Variants in VPS13D observed in about 807,000 individuals in gnomAD.
VPS13D encodes vacuolar protein sorting 13 homolog D.
Under a neutral mutation model 461.9 loss-of-function variants are expected in VPS13D, and 187 were observed. The observed-to-expected ratio is 0.40, with a 90% CI of 0.36 to 0.46. VPS13D has a LOEUF of 0.46. Among genes scored for constraint, VPS13D ranks in the 20% least tolerant of loss-of-function variants. VPS13D has a pLI of 0.60. For synonymous variants in VPS13D, 1,951 were observed against 1,986.3 expected (o/e 0.98, Z 0.47); for missense variants, 4,711 against 5,364.9 (o/e 0.88, Z 3.81).
intron 13 of VPS13D, among the ~76,000 whole-genome samples, chr1:12,263,633 T>C (rs1415063400): frequency 6.6e-6 from 1 of 152,222 alleles, no homozygotes; most frequent in Non-Finnish European, 1.5e-5. Flanking sequence ...ATCTCACAAA[T>C]ATTTTTATTT....
At chr1:12,343,270 G>A (rs1037245560) in intron 42 of VPS13D, among the ~76,000 whole-genome samples, 2 of 151,816 alleles carry the variant, frequency 1.3e-5, no homozygotes, top group South Asian at 4.2e-4. Flanking sequence ...TGCCTCCTGG[G>A]ATCAAGCAAC....
chr1:12,239,175 A>G (rs564704278), intron 2 of VPS13D, among the ~76,000 whole-genome samples: 3 of 151,636 alleles, frequency 2.0e-5, no homozygotes, highest in South Asian at 2.1e-4. Flanking sequence ...GTCTTGCTCT[A>G]TTGCCCCAGG....
chr1:12,416,649 C>T lies in VPS13D; in HGVS notation c.12166-11C>T, dbSNP rs755745274. ...CTGATTGGACTTTTCTCTTCCTGTT[C>T]CATTTGGCAGGAACTCCTCAGCCAG... is the stretch of plus-strand genomic sequence containing the variant. On this transcript the variant is annotated splice_polypyrimidine_tract_variant and intron_variant, in intron 64 of 69. Transcript: ENST00000620676. The T allele has an allele frequency of 4.3e-6, 7 of 1,610,370 alleles. No homozygotes were observed. The highest frequency in any genetic ancestry group is 1.7e-4 in the Middle Eastern group (1 of 6,034).
chr1:12,428,971 G>A (rs1249762325), intron 65 of VPS13D, among the ~76,000 whole-genome samples: 1 of 152,202 alleles, frequency 6.6e-6, no homozygotes, highest in African/African-American at 2.4e-5. Context: ...AGTGCTGTGG[G>A]GCCAGGGGTA....
At chr1:12,246,691 T>C (rs990798987) in intron 5 of VPS13D, among the ~76,000 whole-genome samples, 2 of 151,948 alleles carry the variant, frequency 1.3e-5, no homozygotes, top group African/African-American at 4.8e-5. Context: ...GAATAAAGGG[T>C]ACGTTCTTTT....
intron 32 of VPS13D, among the ~76,000 whole-genome samples, chr1:12,321,006 G>C (rs992654426): frequency 7.9e-5 from 12 of 152,144 alleles, no homozygotes; most frequent in Admixed American, 2.6e-4. Context: ...GGTGGTGGAG[G>C]GGGTGAAGAG....
chr1:12,260,642 A>T (rs1364930328), intron 10 of VPS13D, 51 bp from the exon 11 acceptor site: 3 of 1,520,946 alleles, frequency 2.0e-6, no homozygotes, highest in South Asian at 2.3e-5. Context: ...GTGTCTCTGG[A>T]TCTACAACGT....
rs1646132768 is a variant in VPS13D at position 12,507,811 on chromosome 1, C to T, written c.13035+718C>T. On this transcript the variant is annotated intron_variant, in intron 69 of 69. Transcript: ENST00000620676. This position sits in a 1 kb window ranked among gnomAD's most constrained non-coding sequence, Gnocchi z 5.3. ...TTGGCACCAGAGCTGGCTGCAGAGC[C>T]TCTTGCGGATCTGTCTCTGGCCAGT... Among the ~76,000 whole-genome samples, 1 of 152,220 alleles carries T rather than the reference C, an allele frequency of 6.6e-6. No individual in the cohort carries two copies. The highest frequency in any genetic ancestry group is 1.5e-5 in the Non-Finnish European group (1 of 68,042).
In VPS13D at chr1:12,495,577, T is replaced by C. The variant is rs1036777600; in HGVS notation, c.12663-1923T>C. 6.6e-6 allele frequency among the ~76,000 whole-genome samples: 1 copy of C among 152,184 alleles called. No homozygotes were observed. The highest frequency in any genetic ancestry group is 6.5e-5 in the Admixed American group (1 of 15,280). On this transcript the variant is annotated intron_variant, in intron 67 of 69. Transcript: ENST00000620676. This position sits in a 1 kb window ranked among gnomAD's most constrained non-coding sequence, Gnocchi z 4.0. ...ATATATTACAAATCCAGGGATCCTT[T>C]GTTAGTTATGATCGAGATGGAGAAA...
At chr1:12,364,868 C>G (rs1644009380) in intron 52 of VPS13D, among the ~76,000 whole-genome samples, 1 of 152,076 alleles carries the variant, frequency 6.6e-6, no homozygotes, top group Admixed American at 6.5e-5. Flanking sequence ...TGTAGGAATT[C>G]CTATTCTAAG....
chr1:12,510,629 G>T lies in VPS13D; in HGVS notation c.*1605G>T, dbSNP rs1322957765. On this transcript the variant is annotated 3_prime_UTR_variant, in exon 70 of 70. Coordinates refer to ENST00000620676, the MANE Select transcript of VPS13D (RefSeq NM_015378.4). ...GTAGCTACATAGTGTTCAAGGATCA[G>T]CTTTCTTGAACTCCGAGGCTTGGTT... 2 of 152,242 alleles carry T rather than the reference G, an allele frequency of 1.3e-5. No homozygotes were observed. Among genetic ancestry groups the T allele is most frequent in the Non-Finnish European group, 2.9e-5 (2 of 68,088 alleles). 9.4% of individuals were successfully genotyped at this position (152,242 alleles called of 1,614,324 possible).
At position 12,460,279 on chromosome 1, in the gene VPS13D, T is replaced by C; in HGVS notation, c.12545T>C (p.Ile4182Thr). Residue 4182 changes from isoleucine to threonine, a missense_variant, in exon 67 of 70, where the codon ATA becomes ACA. Physicochemically the swap from Ile to Thr is moderately conservative, Grantham distance 89 (BLOSUM62 -1). Around this residue, in one of 3 missense-constraint regions of VPS13D, gnomAD observed 106 missense variants for 206.2 expected, o/e 0.51. Transcript: ENST00000620676. ...VKTEGGVSGF[I>T]SGLGKGLVGT... ...ACAGAAGGGGGTGTCAGCGGTTTCA[T>C]ATCTGGCCTTGGAAAAGGGCTTGTT... is the stretch of plus-strand genomic sequence containing the variant. 1 of 1,612,268 alleles carries C rather than the reference T, an allele frequency of 6.2e-7. No individual in the cohort carries two copies. The highest frequency in any genetic ancestry group is 2.2e-5 in the East Asian group (1 of 44,696).
Position 12,260,981 on chromosome 1 carries a change from G to A in VPS13D, c.1246G>A (p.Ala416Thr), listed in dbSNP as rs752221445. 1 of 1,613,868 alleles carries A rather than the reference G, an allele frequency of 6.2e-7. No homozygotes were observed. The highest frequency in any genetic ancestry group is 1.1e-5 in the South Asian group (1 of 91,062). The change falls in exon 12 of 70, where the codon GCC becomes ACC. Residue 416 changes from alanine to threonine, a missense_variant. Ala to Thr is a moderately conservative substitution (Grantham distance 58). Coordinates refer to ENST00000620676, the MANE Select transcript of VPS13D (RefSeq NM_015378.4). ...GGAGCCTCAGTTTGATTCTCCAGGA[G>A]CCTGTCCGGGAGCCCCAGAACCCGG... is the stretch of plus-strand genomic sequence containing the variant. ...LREPQFDSPG[A>T]CPGAPEPGGG...
intron 49 of VPS13D, among the ~76,000 whole-genome samples, chr1:12,357,461 T>C (rs1255855585): frequency 1.3e-5 from 2 of 152,210 alleles, no homozygotes; most frequent in Non-Finnish European, 2.9e-5. Context: ...CACAGTGTGT[T>C]TTATCTGTGA....
chr1:12,451,551 T>G (rs1281933534), intron 65 of VPS13D, among the ~76,000 whole-genome samples: 2 of 152,224 alleles, frequency 1.3e-5, no homozygotes, highest in Non-Finnish European at 2.9e-5. Flanking sequence ...GGACTTGAGA[T>G]TGCTACAAAA....
intron 32 of VPS13D, among the ~76,000 whole-genome samples, chr1:12,320,453 G>GT (rs1444742562): frequency 1.3e-5 from 2 of 152,078 alleles, no homozygotes; most frequent in Non-Finnish European, 2.9e-5. Flanking sequence ...CTTTCCAGTG[G>GT]TATTGCTCAA....
chr1:12,475,231 C>T (rs1044728279), intron 67 of VPS13D, among the ~76,000 whole-genome samples: 2 of 152,180 alleles, frequency 1.3e-5, no homozygotes, highest in Admixed American at 6.5e-5. Flanking sequence ...AGCCCTGACT[C>T]CAGCTCTGAT....
intron 50 of VPS13D, 59 bp from the exon 51 acceptor site, chr1:12,362,661 A>G: frequency 6.5e-7 from 1 of 1,536,854 alleles, no homozygotes; most frequent in East Asian, 2.3e-5. Flanking sequence ...TATTTTTGTC[A>G]GACCAAGAGT....
chr1:12,476,185 T>C (rs950824979), intron 67 of VPS13D, among the ~76,000 whole-genome samples: 3 of 152,230 alleles, frequency 2.0e-5, no homozygotes, highest in African/African-American at 7.2e-5. Flanking sequence ...CTTGTGTTCC[T>C]GCATTTTCAG....
Sources: gnomAD v4.1 joint callset for allele counts (sites outside exome capture counted in the v4.1 genomes callset) on GRCh38, gnomAD v4.1.1 for gene constraint, gnomAD v4.1.1 regional missense constraint, Gnocchi (gnomAD v3.1) non-coding constraint, MANE v1.5 for transcripts, NCBI Gene and HGNC (gene_info 2026-07-23, HGNC 2026-07-21) for gene names.